ABL1: variants seen among roughly 807,000 people sequenced by gnomAD.
ABL1 encodes the protein tyrosine-protein kinase ABL1.
Under a neutral mutation model 94.7 loss-of-function variants are expected in ABL1, and 11 were observed. The observed-to-expected ratio is 0.12, with a 90% CI of 0.07 to 0.19. ABL1 has a LOEUF of 0.19. ABL1 is among the 10% of genes least tolerant of loss of function. ABL1 has a pLI of 1.00. For synonymous variants in ABL1, 656 were observed against 622.4 expected (o/e 1.05, Z -0.80); for missense variants, 1,082 against 1,489.4 (o/e 0.73, Z 4.50).
chr9:130,729,901 AT>A lies in ABL1; in HGVS notation c.136+15461del, dbSNP rs551141408. Among the ~76,000 whole-genome samples, 1,225 of 130,458 alleles carry A rather than the reference AT, an allele frequency of 9.4e-3. 17 individuals carry two copies. The highest frequency in any genetic ancestry group is 0.028 in the African/African-American group (954 of 34,170). The allele number at this position is 130,458 out of a possible 152,430, so 85.6% of individuals were successfully genotyped here. ...CAGGCATGCACCACCACACCAGGCT[AT>A]TTTTTTTTTTTTTTGCATTTTTGGT... On this transcript the variant is annotated intron_variant, in intron 1 of 10. Coordinates refer to the ABL1 transcript ENST00000372348.
chr9:130,881,287 G>A (rs961234296), intron 10 of ABL1, among the ~76,000 whole-genome samples: 3 of 152,212 alleles, frequency 2.0e-5, no homozygotes, highest in Admixed American at 6.5e-5. Flanking sequence ...AGAACCAGCA[G>A]TCCAGGTTCT....
At position 130,802,411 on chromosome 9, in the gene ABL1, T is replaced by A. The variant is rs145713087; in HGVS notation, c.137-51653T>A. ...GCCAGCCTTTTCAATTTTTTATCTCTCTTCTTCATCTTGGTTAATTTCTAC... is the reference window on the plus strand; with the variant it reads ...GCCAGCCTTTTCAATTTTTTATCTCACTTCTTCATCTTGGTTAATTTCTAC... On this transcript the variant is annotated intron_variant, in intron 1 of 10. Transcript: ENST00000372348. Among the ~76,000 whole-genome samples, 1,387 of 152,290 alleles carry A rather than the reference T, an allele frequency of 9.1e-3. 25 individuals carry two copies. The highest frequency in any genetic ancestry group is 0.028 in the African/African-American group (1,179 of 41,562).
chr9:130,755,070 T>G (rs1349261874), intron 1 of ABL1, among the ~76,000 whole-genome samples: 1 of 152,154 alleles, frequency 6.6e-6, no homozygotes, highest in African/African-American at 2.4e-5. Flanking sequence ...CCATGAAAGC[T>G]CCACAAAAGT....
In ABL1 at chr9:130,886,284, C is replaced by T. The variant is rs1381669648; in HGVS notation, c.*601C>T. ...CGGGGTGGGGTGCACTCGCCATTTC[C>T]TCACGTGCAGGACAGCTCTTGATTT... On this transcript the variant is annotated 3_prime_UTR_variant, in exon 11 of 11. Coordinates refer to ENST00000318560, the MANE Select transcript of ABL1 (RefSeq NM_005157.6). The T allele has an allele frequency of 4.2e-6, 1 of 235,500 alleles. No homozygotes were observed. Among genetic ancestry groups the T allele is most frequent in the Non-Finnish European group, 8.4e-6 (1 of 119,526 alleles). The allele number at this position is 235,500 out of a possible 1,614,324, so 14.6% of individuals were successfully genotyped here. A position where few individuals can be genotyped will look rare whatever the true frequency, so the allele number is the denominator to read the frequency against.
intron 1 of ABL1, among the ~76,000 whole-genome samples, chr9:130,781,627 A>T (rs1829757312): frequency 6.6e-6 from 1 of 152,196 alleles, no homozygotes; most frequent in African/African-American, 2.4e-5. Context: ...CACCAAGGGG[A>T]TTATCCAAAT....
Position 130,884,469 on chromosome 9 carries a change from A to G in ABL1, c.2179A>G (p.Lys727Glu), listed in dbSNP as rs1352185476. 4.3e-6 allele frequency: 7 copies of G among 1,612,908 alleles called. No homozygotes were observed. The highest frequency in any genetic ancestry group is 4.0e-5 in the African/African-American group (3 of 74,936). ...CGCCTCCTGCGTTCCCCATGGGGCC[A>G]AGGACACGGAGTGGAGGTCAGTCAC... ...CSASCVPHGA[K>E]DTEWRSVTLP... Residue 727 changes from lysine (K) to glutamate (E), a missense_variant, in exon 11 of 11, where the codon AAG (lysine) becomes GAG (glutamate). Lys to Glu is a moderately conservative substitution (Grantham distance 56). This residue lies in a region of ABL1 where 780 missense variants were observed against 835.8 expected (regional missense o/e 0.93). Coordinates refer to ENST00000318560, the MANE Select transcript of ABL1 (RefSeq NM_005157.6). The surrounding 1 kb of genome is among the most constrained non-coding windows in gnomAD (Gnocchi z 5.6).
intron 1 of ABL1, among the ~76,000 whole-genome samples, chr9:130,821,511 A>G (rs1830362807): frequency 6.6e-6 from 1 of 151,844 alleles, no homozygotes; most frequent in East Asian, 1.9e-4. Context: ...ACGGACATAC[A>G]TTTTTCTCTA....
At chr9:130,744,212 G>C (rs372737536) in intron 1 of ABL1, among the ~76,000 whole-genome samples, 9 of 151,260 alleles carry the variant, frequency 6.0e-5, no homozygotes, top group African/African-American at 1.9e-4. Context: ...CCACAATCTC[G>C]GCTCACTGCA....
chr9:130,799,620 T>C (rs1328582321), intron 1 of ABL1, among the ~76,000 whole-genome samples: 1 of 152,210 alleles, frequency 6.6e-6, no homozygotes, highest in Non-Finnish European at 1.5e-5. Flanking sequence ...TTCAATGGAA[T>C]ATTGCATAGA....
At chr9:130,719,587 CT>C (rs1440409079) in intron 1 of ABL1, among the ~76,000 whole-genome samples, 2 of 152,128 alleles carry the variant, frequency 1.3e-5, no homozygotes, top group Non-Finnish European at 2.9e-5. Context: ...CAACCTGTCA[CT>C]TTTTTCAGAT....
At chr9:130,839,851 C>T (rs1342131212) in intron 1 of ABL1, among the ~76,000 whole-genome samples, 2 of 152,192 alleles carry the variant, frequency 1.3e-5, no homozygotes, top group Non-Finnish European at 2.9e-5. Context: ...GCTCACACAG[C>T]GTTCCTAGGG....
intron 1 of ABL1, among the ~76,000 whole-genome samples, chr9:130,797,478 G>A (rs951220340): frequency 2.6e-5 from 4 of 152,076 alleles, no homozygotes; most frequent in Non-Finnish European, 5.9e-5. Flanking sequence ...AGGTTCAAGC[G>A]ATTCTCGTGC....
intron 1 of ABL1, among the ~76,000 whole-genome samples, chr9:130,806,987 A>G (rs1830134283): frequency 6.6e-6 from 1 of 151,982 alleles, no homozygotes; most frequent in African/African-American, 2.4e-5. Flanking sequence ...CATCTCTACT[A>G]AAAATACAAA....
chr9:130,842,628 A>G (rs1013763673), intron 1 of ABL1, among the ~76,000 whole-genome samples: 1 of 152,258 alleles, frequency 6.6e-6, no homozygotes, highest in Non-Finnish European at 1.5e-5. Flanking sequence ...ATTGCCTGTC[A>G]TTGGGTAGCC....
At chr9:130,836,482 G>C (rs527551307) in intron 1 of ABL1, among the ~76,000 whole-genome samples, 19 of 152,326 alleles carry the variant, frequency 1.2e-4, no homozygotes, top group African/African-American at 4.6e-4. Context: ...GTGCTTCAGA[G>C]ATGGAGTGGC....
upstream of ABL1, among the ~76,000 whole-genome samples, chr9:130,834,409 G>A (rs145057507): frequency 1.1e-3 from 163 of 152,274 alleles, 1 homozygote; most frequent in African/African-American, 3.8e-3. Flanking sequence ...CTCTGACCTA[G>A]ATTTCTGGGT....
intron 1 of ABL1, among the ~76,000 whole-genome samples, chr9:130,812,029 CAA>C (rs936155799): frequency 1.5e-5 from 2 of 136,396 alleles, no homozygotes; most frequent in African/African-American, 5.5e-5. Flanking sequence ...AAATATGAAA[CAA>C]AGAGCAAGAT....
chr9:130,874,562 G>A (rs1224982594), intron 6 of ABL1, among the ~76,000 whole-genome samples: 5 of 152,192 alleles, frequency 3.3e-5, no homozygotes, highest in Admixed American at 3.3e-4. Flanking sequence ...ACCCTAAGAG[G>A]TAGGTGCCAT....
chr9:130,767,355 G>T (rs1220971450), intron 1 of ABL1, among the ~76,000 whole-genome samples: 1 of 152,160 alleles, frequency 6.6e-6, no homozygotes, highest in African/African-American at 2.4e-5. Flanking sequence ...TGTTTTCTGA[G>T]ACGGAGTCTC....
Sources: gnomAD v4.1 joint callset for allele counts (sites outside exome capture counted in the v4.1 genomes callset) on GRCh38, gnomAD v4.1.1 for gene constraint, gnomAD v4.1.1 regional missense constraint, Gnocchi (gnomAD v3.1) non-coding constraint, MANE v1.5 for transcripts, NCBI Gene and HGNC (gene_info 2026-07-23, HGNC 2026-07-21) for gene names.